The following SEL1L3 variants were observed in gnomAD, a reference collection of about 807,000 sequenced individuals.
SEL1L3 encodes protein sel-1 homolog 3.
SEL1L3 carries 76 observed loss-of-function variants against 142.8 expected under a neutral mutation model. The observed-to-expected ratio is 0.53, with a 90% CI of 0.44 to 0.64. SEL1L3 has a LOEUF of 0.64. Among genes scored for constraint, SEL1L3 ranks in the 30% least tolerant of loss-of-function variants. The probability of loss-of-function intolerance (pLI) is 0.00; values close to 1 mark genes in which losing one functional copy is unlikely to be tolerated. For synonymous variants in SEL1L3, 504 were observed against 519.6 expected, an observed-to-expected ratio of 0.97 and a Z score of 0.41; for missense variants, 1,262 against 1,381.7, an observed-to-expected ratio of 0.91 and a Z score of 1.37.
intron 17 of SEL1L3, among the ~76,000 whole-genome samples, chr4:25,770,739 C>CAAA (rs57317400): frequency 3.8e-4 from 37 of 97,238 alleles, no homozygotes; most frequent in South Asian, 7.1e-4. Context: ...GACTCTGTCT[C>CAAA]AAAAAAAAAA....
chr4:25,772,986 G>A (rs1052044053), intron 17 of SEL1L3, among the ~76,000 whole-genome samples: 6 of 152,096 alleles, frequency 3.9e-5, no homozygotes, highest in African/African-American at 1.4e-4. Flanking sequence ...TAGTCGAGAT[G>A]GGGTTTCACC....
intron 9 of SEL1L3, among the ~76,000 whole-genome samples, chr4:25,805,972 G>A (rs1713528464): frequency 6.6e-6 from 1 of 151,666 alleles, no homozygotes; most frequent in South Asian, 2.1e-4. Context: ...TGTCCAACAT[G>A]ATGTTTCTTT....
chr4:25,845,832 C>T (rs1716468712), intron 2 of SEL1L3, among the ~76,000 whole-genome samples: 1 of 152,174 alleles, frequency 6.6e-6, no homozygotes, highest in African/African-American at 2.4e-5. Context: ...CCTCTGCCTG[C>T]CAAGCCTGGC....
chr4:25,779,747 C>T (rs1205617212), intron 15 of SEL1L3, among the ~76,000 whole-genome samples: 3 of 152,120 alleles, frequency 2.0e-5, no homozygotes, highest in East Asian at 3.8e-4. Context: ...ATAAGACAAA[C>T]ATGTAGATGG....
At chr4:25,801,402 CA>C (rs1025129816) in intron 11 of SEL1L3, among the ~76,000 whole-genome samples, 4 of 151,762 alleles carry the variant, frequency 2.6e-5, no homozygotes, top group Non-Finnish European at 4.4e-5. Context: ...GACTCTGTCT[CA>C]AAAAAAACCA....
intron 6 of SEL1L3, among the ~76,000 whole-genome samples, chr4:25,824,530 C>G (rs976880778): frequency 6.6e-6 from 1 of 152,162 alleles, no homozygotes; most frequent in African/African-American, 2.4e-5. Context: ...ACACCATAAC[C>G]ATCAGCAACA....
At chr4:25,779,033 G>A in intron 16 of SEL1L3, 43 bp downstream of exon 16, 1 of 1,604,396 alleles carries the variant, frequency 6.2e-7, no homozygotes, top group Non-Finnish European at 8.5e-7. Context: ...GAGAATATAG[G>A]ATATGGCTTT....
At chr4:25,802,151 G>C (rs999752142) in intron 11 of SEL1L3, 132 bp downstream of exon 11, 1 of 748,928 alleles carries the variant, frequency 1.3e-6, no homozygotes. Flanking sequence ...GAGAGCGCAA[G>C]ACAGCTCCTC....
chr4:25,820,936 T>C (rs1432965711), intron 7 of SEL1L3, among the ~76,000 whole-genome samples: 3 of 152,186 alleles, frequency 2.0e-5, no homozygotes, highest in Admixed American at 6.5e-5. Context: ...TTTCACCTTG[T>C]TGGCTGGTCT....
chr4:25,791,441 G>C (rs1712329225), intron 11 of SEL1L3, among the ~76,000 whole-genome samples: 1 of 152,178 alleles, frequency 6.6e-6, no homozygotes, highest in South Asian at 2.1e-4. Context: ...AACTTTCACT[G>C]TTTATTAAAA....
chr4:25,726,652 G>A, the SEL1L3 span, among the ~76,000 whole-genome samples: 1 of 152,130 alleles, frequency 6.6e-6, no homozygotes, highest in Non-Finnish European at 1.5e-5. Context: ...TGCCGGGAAC[G>A]GGCCAGGTTT....
intron 1 of SEL1L3, among the ~76,000 whole-genome samples, chr4:25,858,875 C>T (rs1026033375): frequency 3.3e-5 from 5 of 152,204 alleles, no homozygotes; most frequent in Admixed American, 6.5e-5. Context: ...TAAGACACCG[C>T]GCCCAGCCTC....
At chr4:25,823,463 G>A (rs57599311) in intron 6 of SEL1L3, among the ~76,000 whole-genome samples, 1,976 of 152,226 alleles carry the variant, frequency 0.013, 43 homozygotes, top group African/African-American at 0.044. Context: ...GCAGTGAGCT[G>A]AGATTGCGCC....
intron 23 of SEL1L3, among the ~76,000 whole-genome samples, chr4:25,754,227 A>G (rs7674921): frequency 0.85 from 128,570 of 151,328 alleles, 54,665 homozygotes; most frequent in East Asian, 1. Flanking sequence ...ACTTGAACCC[A>G]GGAGGTGGAG....
intron 9 of SEL1L3, among the ~76,000 whole-genome samples, chr4:25,806,350 T>C (rs1218975399): frequency 6.6e-6 from 1 of 152,122 alleles, no homozygotes; most frequent in Admixed American, 6.5e-5. Context: ...TGTTTTTTTT[T>C]TTAAAGCTCA....
chr4:25,745,848 G>A (rs976662854), downstream of SEL1L3, among the ~76,000 whole-genome samples: 2 of 152,256 alleles, frequency 1.3e-5, no homozygotes, highest in South Asian at 2.1e-4. Flanking sequence ...CCAGTGTGGC[G>A]TGTGGCTGTG....
intron 1 of SEL1L3, among the ~76,000 whole-genome samples, chr4:25,856,581 A>G (rs1717273819): frequency 6.8e-6 from 1 of 146,392 alleles, no homozygotes; most frequent in Admixed American, 6.8e-5. Flanking sequence ...GTAAATGTGC[A>G]TGTATTGTAA....
chr4:25,742,452 C>T (rs1041792471), downstream of SEL1L3, among the ~76,000 whole-genome samples: 14 of 151,996 alleles, frequency 9.2e-5, no homozygotes, highest in African/African-American at 3.1e-4. Flanking sequence ...TGCGTGCCAC[C>T]ACACCTGGCT....
chr4:25,734,572 G>A, the SEL1L3 span, among the ~76,000 whole-genome samples: 1 of 151,620 alleles, frequency 6.6e-6, no homozygotes, highest in Non-Finnish European at 1.5e-5. Flanking sequence ...AAGGATTTTT[G>A]TATCTTCTTT....
Sources: gnomAD v4.1 joint callset for allele counts (sites outside exome capture counted in the v4.1 genomes callset) on GRCh38, gnomAD v4.1.1 for gene constraint, MANE v1.5 for transcripts, NCBI Gene and HGNC (gene_info 2026-07-23, HGNC 2026-07-21) for gene names.